The following PTPRR variants were observed in gnomAD, a reference collection of about 807,000 sequenced individuals.
PTPRR encodes receptor-type tyrosine-protein phosphatase R.
Under a neutral mutation model 77.2 loss-of-function variants are expected in PTPRR, and 38 were observed. The ratio of observed to expected loss-of-function variants is 0.49; its 90% confidence interval spans 0.38 to 0.65. The LOEUF is 0.65. Ranked by LOEUF, PTPRR falls within the 30% of genes least tolerant of loss-of-function variation. The pLI is 0.00. For synonymous variants in PTPRR, 299 were observed against 283.1 expected, an observed-to-expected ratio of 1.06 and a Z score of -0.57; for missense variants, 744 against 799.2, an observed-to-expected ratio of 0.93 and a Z score of 0.83.
intron 2 of PTPRR, among the ~76,000 whole-genome samples, chr12:70,857,253 C>T (rs1032015193): frequency 1.3e-5 from 2 of 152,100 alleles, no homozygotes; most frequent in African/African-American, 4.8e-5. Context: ...TGAGAAAGAA[C>T]AGACAGAGTA....
chr12:70,832,105 A>C (rs1861263659), intron 2 of PTPRR, among the ~76,000 whole-genome samples: 1 of 152,252 alleles, frequency 6.6e-6, no homozygotes, highest in Admixed American at 6.5e-5. Flanking sequence ...CTAAAGCAGC[A>C]CTATTCATTT....
At chr12:70,770,280 C>T (rs911645025) in intron 2 of PTPRR, among the ~76,000 whole-genome samples, 2 of 151,642 alleles carry the variant, frequency 1.3e-5, no homozygotes. Flanking sequence ...GGCTAATATC[C>T]AGAATCTACA....
At position 70,698,272 on chromosome 12, in the gene PTPRR, A is replaced by G; in HGVS notation, c.1272T>C (p.Ile424=). ...RHGTKNRYKT[I]LPNPLSRVCL... The stretch of plus-strand genomic sequence containing the variant: ...TAAAATCAAGAAGCTTACTTGGTAA[A>G]ATGGTCTTATAGCGATTTTTAGTTC... The change falls in exon 8 of 14, where the codon ATT becomes ATC. Residue 424 remains isoleucine (I), a synonymous_variant. Coordinates refer to ENST00000283228, the MANE Select transcript of PTPRR (RefSeq NM_002849.4). 1.2e-6 allele frequency: 2 copies of G among 1,612,788 alleles called. No individual in the cohort carries two copies. Among genetic ancestry groups the G allele is most frequent in the South Asian group, 1.1e-5 (1 of 91,036 alleles).
At chr12:70,842,537 C>A (rs1892414565) in intron 2 of PTPRR, among the ~76,000 whole-genome samples, 2 of 152,190 alleles carry the variant, frequency 1.3e-5, no homozygotes, top group South Asian at 4.1e-4. Context: ...AGAATCTGTT[C>A]TTTGCCTCTT....
intron 2 of PTPRR, among the ~76,000 whole-genome samples, chr12:70,779,394 C>T (rs1891156021): frequency 6.6e-6 from 1 of 152,064 alleles, no homozygotes; most frequent in Non-Finnish European, 1.5e-5. Flanking sequence ...ATGGGCTTGG[C>T]ATGCACCTGC....
chr12:70,903,539 A>G (rs529421388), intron 1 of PTPRR, among the ~76,000 whole-genome samples: 1 of 152,040 alleles, frequency 6.6e-6, no homozygotes, highest in South Asian at 2.1e-4. Flanking sequence ...CATATGTAAC[A>G]AAATGAACAT....
At chr12:70,721,165 A>T (rs1889236765) in intron 6 of PTPRR, among the ~76,000 whole-genome samples, 1 of 152,222 alleles carries the variant, frequency 6.6e-6, no homozygotes, top group Admixed American at 6.5e-5. Flanking sequence ...TACACATGGT[A>T]CTGCCAAATA....
chr12:70,881,368 G>A, intron 2 of PTPRR, among the ~76,000 whole-genome samples: 1 of 152,118 alleles, frequency 6.6e-6, no homozygotes, highest in Non-Finnish European at 1.5e-5. Context: ...AAGTCCTTCA[G>A]GCTGTCTTGG....
intron 6 of PTPRR, among the ~76,000 whole-genome samples, chr12:70,722,139 C>T (rs1358303109): frequency 1.3e-5 from 2 of 151,444 alleles, no homozygotes; most frequent in Admixed American, 1.3e-4. Flanking sequence ...TTCCTGCTTT[C>T]TTACTACCAG....
chr12:70,843,901 T>C (rs992078886), intron 2 of PTPRR, among the ~76,000 whole-genome samples: 7 of 148,396 alleles, frequency 4.7e-5, no homozygotes, highest in Non-Finnish European at 1.0e-4. Context: ...CTGCAACACC[T>C]GCCTCCCAGG....
intron 2 of PTPRR, among the ~76,000 whole-genome samples, chr12:70,765,831 T>A (rs1425610004): frequency 6.6e-6 from 1 of 152,076 alleles, no homozygotes; most frequent in African/African-American, 2.4e-5. Flanking sequence ...AGAGGAACGA[T>A]CAGACAGCAG....
chr12:70,652,148 G>A (rs529146116), intron 13 of PTPRR, among the ~76,000 whole-genome samples: 11 of 152,180 alleles, frequency 7.2e-5, no homozygotes, highest in Admixed American at 6.5e-5. Context: ...TGCTGCAAGT[G>A]CATAACGGTA....
chr12:70,920,482 A>G lies in PTPRR; in HGVS notation c.-92T>C. On this transcript the variant is annotated 5_prime_UTR_variant, in exon 1 of 14. Coordinates refer to ENST00000283228, the MANE Select transcript of PTPRR (RefSeq NM_002849.4). The stretch of plus-strand genomic sequence containing the variant: ...AAAGAGCCACCGCCAAGGGTCTTCT[A>G]GTCTCCGGGATTCAGGTCCTCGGCT... The G allele has an allele frequency of 7.9e-7, 1 of 1,263,314 alleles. No homozygotes were observed. The highest frequency in any genetic ancestry group is 1.1e-6 in the Non-Finnish European group (1 of 891,700). The allele number at this position is 1,263,314 out of a possible 1,614,324, so 78.3% of individuals were successfully genotyped here.
intron 6 of PTPRR, among the ~76,000 whole-genome samples, chr12:70,730,932 G>C (rs1319411939): frequency 2.7e-5 from 4 of 148,588 alleles, no homozygotes; most frequent in Non-Finnish European, 6.0e-5. Flanking sequence ...GAGAGAGAGA[G>C]ACAGAAGGAA....
chr12:70,764,008 C>G (rs1279043521), intron 3 of PTPRR, among the ~76,000 whole-genome samples: 1 of 132,180 alleles, frequency 7.6e-6, no homozygotes, highest in African/African-American at 2.8e-5. Flanking sequence ...TTTGGGTTTA[C>G]TTTTTTTTTT....
chr12:70,919,705 T>TA (rs1893827182), intron 1 of PTPRR, among the ~76,000 whole-genome samples: 1 of 124,216 alleles, frequency 8.1e-6, no homozygotes, highest in East Asian at 2.4e-4. Context: ...TTTTTTTTTT[T>TA]AATATGCCAG....
chr12:70,754,268 T>C lies in PTPRR; in HGVS notation c.661A>G (p.Lys221Glu), dbSNP rs1228220823. 3.1e-6 allele frequency: 5 copies of C among 1,613,858 alleles called. No individual in the cohort carries two copies. Among genetic ancestry groups the C allele is most frequent in the Non-Finnish European group, 4.2e-6 (5 of 1,179,858 alleles). Residue 221 changes from lysine to glutamate, a missense_variant, in exon 5 of 14, where the codon AAA becomes GAA. By Grantham distance (56) the Lys-to-Glu change is moderately conservative. Around this residue, in one of 3 missense-constraint regions of PTPRR, gnomAD observed 570 missense variants for 573.2 expected, o/e 0.99. Coordinates refer to ENST00000283228, the MANE Select transcript of PTPRR (RefSeq NM_002849.4). ...TAAAATCCTTCTTTGCTCCAGATTT[T>C]GTCCGCTTCATGCTGCCCTTGTAAA... The part of the protein sequence containing the change: ...NVLQGQHEAD[K>E]IWSKEGFYAV...
At chr12:70,795,062 T>A (rs551681493) in intron 2 of PTPRR, among the ~76,000 whole-genome samples, 1 of 152,204 alleles carries the variant, frequency 6.6e-6, no homozygotes, top group Non-Finnish European at 1.5e-5. Context: ...TCTGTTATAA[T>A]GCAAGTCTTA....
intron 2 of PTPRR, among the ~76,000 whole-genome samples, chr12:70,833,524 G>C (rs893201954): frequency 5.9e-5 from 9 of 152,164 alleles, no homozygotes; most frequent in Admixed American, 2.0e-4. Context: ...GGGAATGGGA[G>C]CTGGAGTGCA....
Sources: gnomAD v4.1 joint callset for allele counts (sites outside exome capture counted in the v4.1 genomes callset) on GRCh38, gnomAD v4.1.1 for gene constraint, gnomAD v4.1.1 regional missense constraint, MANE v1.5 for transcripts, NCBI Gene and HGNC (gene_info 2026-07-23, HGNC 2026-07-21) for gene names.